Variants in AGPAT3 observed in about 807,000 individuals in gnomAD.
AGPAT3 encodes 1-acyl-sn-glycerol-3-phosphate acyltransferase gamma.
AGPAT3 carries 5 observed loss-of-function variants against 47.3 expected under a neutral mutation model. The observed-to-expected ratio is 0.11, with a 90% CI of 0.06 to 0.22. The LOEUF (loss-of-function observed/expected upper bound fraction) is 0.22. Ranked by LOEUF, AGPAT3 falls within the 10% of genes least tolerant of loss-of-function variation. The probability of loss-of-function intolerance (pLI) is 1.00; values close to 1 mark genes in which losing one functional copy is unlikely to be tolerated. For missense variants in AGPAT3, 315 were observed against 493.0 expected (o/e 0.64, Z 3.42); for synonymous variants, 212 against 208.3 (o/e 1.02, Z -0.15).
At position 43,981,038 on chromosome 21, in the gene AGPAT3, A is replaced by G. The variant is rs541973112; in HGVS notation, c.893A>G (p.Gln298Arg). 94 of 1,614,178 alleles carry G rather than the reference A, an allele frequency of 5.8e-5. No homozygotes were observed. In the South Asian group the frequency reaches 9.2e-4, roughly 16 times the overall value. ...CAGAAGGGCATGTTTCCAGGGGAGC[A>G]GTTTAAGCCTGCCCGGAGGCCGTGG... The part of the protein sequence containing the change: ...YNQKGMFPGE[Q>R]FKPARRPWTL... The change falls in exon 9 of 10, where the codon CAG (glutamine) becomes CGG (arginine). Residue 298 changes from glutamine to arginine, a missense_variant. By Grantham distance (43) the Gln-to-Arg change is conservative (BLOSUM62 1). Transcript: ENST00000291572. This position sits in a 1 kb window ranked among gnomAD's most constrained non-coding sequence, Gnocchi z 5.3.
At chr21:43,945,767 G>T (rs2087857988) in intron 2 of AGPAT3, among the ~76,000 whole-genome samples, 1 of 152,254 alleles carries the variant, frequency 6.6e-6, no homozygotes, top group South Asian at 2.1e-4. Flanking sequence ...TAGAATGACA[G>T]ATGTGGCATT....
intron 4 of AGPAT3, 40 bp downstream of exon 4, chr21:43,968,155 G>A: frequency 6.2e-7 from 1 of 1,605,086 alleles, no homozygotes; most frequent in Non-Finnish European, 8.5e-7. Flanking sequence ...TGAGCAGGAG[G>A]GTCCCGGGGA....
chr21:43,924,593 C>T (rs914439970), intron 2 of AGPAT3, among the ~76,000 whole-genome samples: 7 of 152,238 alleles, frequency 4.6e-5, no homozygotes, highest in Non-Finnish European at 1.0e-4. Context: ...GCGGCCACTT[C>T]CCTGCCATGC....
At chr21:43,980,136 C>T (rs1165883757) in intron 8 of AGPAT3, among the ~76,000 whole-genome samples, 2 of 151,790 alleles carry the variant, frequency 1.3e-5, no homozygotes, top group South Asian at 2.1e-4. Context: ...CAAAAATTAG[C>T]GCAGTAGTGG....
Position 43,981,005 on chromosome 21 carries a change from T to C in AGPAT3, c.860T>C (p.Ile287Thr), listed in dbSNP as rs574944924. ...CTCTTCTAGGACGCGCTCCAGGAGA[T>C]ATATAATCAGAAGGGCATGTTTCCA... ...LYQEKDALQEIYNQKGMFPGE... is the reference protein window; with the variant it reads ...LYQEKDALQETYNQKGMFPGE... The change falls in exon 9 of 10, where the codon ATA becomes ACA. Residue 287 changes from isoleucine (I) to threonine (T), a missense_variant. Ile to Thr is a moderately conservative substitution (Grantham distance 89). Coordinates refer to ENST00000291572, the MANE Select transcript of AGPAT3 (RefSeq NM_020132.5). This position sits in a 1 kb window ranked among gnomAD's most constrained non-coding sequence, Gnocchi z 5.3. 6.2e-7 allele frequency: 1 copy of C among 1,614,142 alleles called. No individual in the cohort carries two copies. Among genetic ancestry groups the C allele is most frequent in the African/African-American group, 1.3e-5 (1 of 75,028 alleles).
chr21:43,977,929 G>A, intron 7 of AGPAT3, 117 bp from the exon 8 acceptor site: 1 of 663,490 alleles, frequency 1.5e-6, no homozygotes, highest in African/African-American at 1.9e-5. Flanking sequence ...AGTGAGATGT[G>A]ACAGAAGGAG....
At chr21:43,931,191 C>CT (rs151199727) in intron 2 of AGPAT3, among the ~76,000 whole-genome samples, 23 of 152,276 alleles carry the variant, frequency 1.5e-4, no homozygotes, top group Non-Finnish European at 3.1e-4. Flanking sequence ...TGATGTCACA[C>CT]TGACACCTGT....
Position 43,959,082 on chromosome 21 carries a change from T to TGTGTGTGTGGTTTGTGTGTGGTTTGC in AGPAT3, c.-48-551_-48-550insTGTGTGTGGTTTGTGTGTGGTTTGCG, listed in dbSNP as rs1555909854. On this transcript the variant is annotated intron_variant, in intron 2 of 9. Coordinates refer to ENST00000291572, the MANE Select transcript of AGPAT3 (RefSeq NM_020132.5). ...TGGTATGCGTGGTGTGTGTGGTTTG[T>TGTGTGTGTGGTTTGTGTGTGGTTTGC]GGTGTGTGTGTGTCATGTGTGTGGT... Among the ~76,000 whole-genome samples the TGTGTGTGTGGTTTGTGTGTGGTTTGC allele has an allele frequency of 6.6e-5, 8 of 122,100 alleles. 1 individual carries two copies. The South Asian group carries it at 2.2e-3, about 33-fold the overall frequency. 80.1% of individuals were successfully genotyped at this position (122,100 alleles called of 152,430 possible).
In AGPAT3 at chr21:43,930,049, G is replaced by T. The variant is rs947669313; in HGVS notation, c.-49+26030G>T. On this transcript the variant is annotated intron_variant, in intron 2 of 9. Transcript: ENST00000291572. This position sits in a 1 kb window ranked among gnomAD's most constrained non-coding sequence, Gnocchi z 5.0. Reference sequence around the variant, plus strand: ...GTCCTCCTGGAACCCAGGGTGCCTTGTCCTGGCACTTCTGTGTACATCATC... The same window carrying T: ...GTCCTCCTGGAACCCAGGGTGCCTTTTCCTGGCACTTCTGTGTACATCATC... 2.6e-5 allele frequency among the ~76,000 whole-genome samples: 4 copies of T among 152,240 alleles called. No individual in the cohort carries two copies. Among genetic ancestry groups the T allele is most frequent in the African/African-American group, 9.6e-5 (4 of 41,466 alleles).
chr21:43,877,567 T>C (rs2085761547), intron 1 of AGPAT3, among the ~76,000 whole-genome samples: 1 of 152,150 alleles, frequency 6.6e-6, no homozygotes, highest in African/African-American at 2.4e-5. Flanking sequence ...CTCAGCTTCC[T>C]GAGTAGCCGG....
At chr21:43,949,914 A>C (rs980138976) in intron 2 of AGPAT3, among the ~76,000 whole-genome samples, 30 of 152,240 alleles carry the variant, frequency 2.0e-4, no homozygotes, top group African/African-American at 7.0e-4. Flanking sequence ...ATATCCTCCC[A>C]AGCTGTAAGC....
intron 7 of AGPAT3, among the ~76,000 whole-genome samples, chr21:43,974,566 A>T (rs913796831): frequency 1.3e-5 from 2 of 148,466 alleles, no homozygotes; most frequent in Admixed American, 6.7e-5. Flanking sequence ...GTGTGTGTGT[A>T]GTGTGTGTAT....
intron 2 of AGPAT3, among the ~76,000 whole-genome samples, chr21:43,929,451 G>C (rs2146265043): frequency 6.6e-6 from 1 of 152,360 alleles, no homozygotes; most frequent in East Asian, 1.9e-4. Flanking sequence ...AAAGCCAGGA[G>C]CCTTCCCACG....
Position 43,920,426 on chromosome 21 carries a change from C to G in AGPAT3, c.-49+16407C>G, listed in dbSNP as rs1168616011. Among the ~76,000 whole-genome samples the G allele has an allele frequency of 2.0e-5, 3 of 152,114 alleles. No individual in the cohort carries two copies. The East Asian group carries it at 5.8e-4, about 29-fold the overall frequency. On this transcript the variant is annotated intron_variant, in intron 2 of 9. Transcript: ENST00000291572. This position sits in a 1 kb window ranked among gnomAD's most constrained non-coding sequence, Gnocchi z 6.1. ...AACATACTTTGGTCTCTGGCCCTGG[C>G]TCTGGGCACACAGCTCCTACAACCT...
chr21:43,984,693 T>TG lies in AGPAT3; in HGVS notation c.*2310dup, dbSNP rs573954296. 47 of 124,014 alleles carry TG rather than the reference T, an allele frequency of 3.8e-4. No homozygotes were observed. The highest frequency in any genetic ancestry group is 2.5e-3 in the South Asian group (10 of 4,010). The allele number at this position is 124,014 out of a possible 1,614,324, so 7.7% of individuals were successfully genotyped here. Reference sequence around the variant, plus strand: ...CATGAATGTTTGAATTTTTTTTTTTTGGGGGGGGGAGGGTGGATTTTGCTT... The same window carrying TG: ...CATGAATGTTTGAATTTTTTTTTTTTGGGGGGGGGGAGGGTGGATTTTGCTT... On this transcript the variant is annotated 3_prime_UTR_variant, in exon 10 of 10. Coordinates refer to ENST00000291572, the MANE Select transcript of AGPAT3 (RefSeq NM_020132.5).
chr21:43,944,886 G>T (rs2087814444), intron 2 of AGPAT3, among the ~76,000 whole-genome samples: 1 of 152,244 alleles, frequency 6.6e-6, no homozygotes, highest in Non-Finnish European at 1.5e-5. Context: ...AGGTGTCCAG[G>T]TGCGGGGGGG....
chr21:43,974,836 C>T (rs78934178), intron 7 of AGPAT3, among the ~76,000 whole-genome samples: 2 of 152,166 alleles, frequency 1.3e-5, no homozygotes, highest in South Asian at 2.1e-4. Flanking sequence ...GAAGCCTCTG[C>T]GCCTCGGTTG....
rs2089402638 is a variant in AGPAT3 at position 43,971,656 on chromosome 21, A to T, written c.767+166A>T. ...CAGCCCTGCCCTGCTGAGCAGACAC[A>T]GGAGAGGCCCTGCAGGACTCGTCCG... On this transcript the variant is annotated intron_variant, in intron 7 of 9. Transcript: ENST00000291572. Among the ~76,000 whole-genome samples, 3 of 152,212 alleles carry T rather than the reference A, an allele frequency of 2.0e-5. No individual in the cohort carries two copies. In the South Asian group the frequency reaches 6.2e-4, roughly 32 times the overall value.
At position 43,922,291 on chromosome 21, in the gene AGPAT3, C is replaced by G. The variant is rs1045282195; in HGVS notation, c.-49+18272C>G. Among the ~76,000 whole-genome samples, 1 of 151,958 alleles carries G rather than the reference C, an allele frequency of 6.6e-6. No homozygotes were observed. The highest frequency in any genetic ancestry group is 1.5e-5 in the Non-Finnish European group (1 of 67,998). On this transcript the variant is annotated intron_variant, in intron 2 of 9. Coordinates refer to ENST00000291572, the MANE Select transcript of AGPAT3 (RefSeq NM_020132.5). The surrounding 1 kb of genome is among the most constrained non-coding windows in gnomAD (Gnocchi z 4.9). ...TCCTGTTCTTGTGGGGGTGGCGAGG[C>G]GAGGATGGTGAACACATCAGCAAAC...
Sources: allele counts gnomAD v4.1 joint callset (sites outside exome capture counted in the v4.1 genomes callset), GRCh38; gene constraint gnomAD v4.1.1; non-coding constraint Gnocchi (gnomAD v3.1); transcripts MANE v1.5; gene names NCBI Gene and HGNC (gene_info 2026-07-23, HGNC 2026-07-21).